ARHGAP18: variants seen among roughly 807,000 people sequenced by gnomAD.
ARHGAP18 encodes Rho GTPase activating protein 18.
In ARHGAP18, 67 loss-of-function variants were observed where a neutral mutation model predicts 86.2. That is an observed-to-expected ratio of 0.78 (90% CI 0.64 to 0.95). ARHGAP18 has a LOEUF of 0.95. Ranked by LOEUF, ARHGAP18 falls within the 40% of genes least tolerant of loss-of-function variation. The pLI, the probability that ARHGAP18 is intolerant of heterozygous loss-of-function variation, is 0.00. For synonymous variants in ARHGAP18, 283 were observed against 280.4 expected, an observed-to-expected ratio of 1.01 and a Z score of -0.09; for missense variants, 691 against 780.4, an observed-to-expected ratio of 0.89 and a Z score of 1.37.
chr6:129,709,943 T>C, intron 1 of ARHGAP18, 81 bp downstream of exon 1: 1 of 1,141,824 alleles, frequency 8.8e-7, no homozygotes, highest in Non-Finnish European at 1.3e-6. Context: ...AATTCCCTTC[T>C]CCCCACGCCA....
chr6:129,617,309 C>T (rs1017811126), intron 6 of ARHGAP18, among the ~76,000 whole-genome samples: 1 of 152,016 alleles, frequency 6.6e-6, no homozygotes, highest in East Asian at 1.9e-4. Flanking sequence ...TCCTTTATGA[C>T]GTACATCAGC....
At chr6:129,646,555 A>T (rs12192821) in intron 1 of ARHGAP18, among the ~76,000 whole-genome samples, 35,316 of 152,126 alleles carry the variant, frequency 0.23, 4,721 homozygotes, top group African/African-American at 0.38. Context: ...GCAGAAACAA[A>T]ATATTTTAAA....
intron 1 of ARHGAP18, among the ~76,000 whole-genome samples, chr6:129,700,350 G>T (rs1290138710): frequency 6.6e-6 from 1 of 152,104 alleles, no homozygotes; most frequent in Admixed American, 6.5e-5. Context: ...CAAACACTCT[G>T]CAACTTTATA....
intron 1 of ARHGAP18, among the ~76,000 whole-genome samples, chr6:129,678,651 C>T (rs1774275166): frequency 6.6e-6 from 1 of 152,132 alleles, no homozygotes; most frequent in African/African-American, 2.4e-5. Flanking sequence ...CAAAAACAAA[C>T]AAACAAAAAA....
chr6:129,686,410 C>T (rs1774424521), intron 1 of ARHGAP18, among the ~76,000 whole-genome samples: 1 of 152,174 alleles, frequency 6.6e-6, no homozygotes, highest in African/African-American at 2.4e-5. Flanking sequence ...CATCTGAAAG[C>T]TTACCTCACC....
At chr6:129,615,579 G>A (rs912622668) in intron 7 of ARHGAP18, among the ~76,000 whole-genome samples, 7 of 152,132 alleles carry the variant, frequency 4.6e-5, no homozygotes, top group African/African-American at 9.7e-5. Flanking sequence ...AAGAATCTAC[G>A]GCTTGGGTAG....
intron 1 of ARHGAP18, among the ~76,000 whole-genome samples, chr6:129,668,395 C>CACACAG (rs763692018): frequency 7.2e-6 from 1 of 139,190 alleles, no homozygotes; most frequent in African/African-American, 2.5e-5. Context: ...CACACACACA[C>CACACAG]ACACAGACAC....
intron 12 of ARHGAP18, among the ~76,000 whole-genome samples, chr6:129,590,788 G>A (rs1788492609): frequency 6.6e-6 from 1 of 152,132 alleles, no homozygotes. Context: ...GTATTCTACG[G>A]CAGGGAGAGA....
intron 7 of ARHGAP18, among the ~76,000 whole-genome samples, chr6:129,614,819 A>T (rs539539536): frequency 3.6e-4 from 53 of 148,556 alleles, no homozygotes; most frequent in African/African-American, 1.2e-3. Context: ...TACTCTCTAT[A>T]ATGTAGTGGG....
At chr6:129,673,455 T>C (rs971654662) in intron 1 of ARHGAP18, among the ~76,000 whole-genome samples, 2 of 152,108 alleles carry the variant, frequency 1.3e-5, no homozygotes. Flanking sequence ...ATTTTAAAAG[T>C]GTTTTTTCTC....
At chr6:129,593,168 A>G (rs945837563) in intron 12 of ARHGAP18, among the ~76,000 whole-genome samples, 17 of 152,100 alleles carry the variant, frequency 1.1e-4, no homozygotes, top group Admixed American at 1.1e-3. Flanking sequence ...TTGTTCTAAA[A>G]TAATATTACC....
intron 1 of ARHGAP18, among the ~76,000 whole-genome samples, chr6:129,707,398 T>C (rs907212676): frequency 6.6e-6 from 1 of 152,324 alleles, no homozygotes; most frequent in Non-Finnish European, 1.5e-5. Context: ...AAGTTATACT[T>C]CCGTGCTATC....
chr6:129,692,160 C>A (rs1173843006), intron 1 of ARHGAP18, among the ~76,000 whole-genome samples: 1 of 152,250 alleles, frequency 6.6e-6, no homozygotes, highest in Non-Finnish European at 1.5e-5. Flanking sequence ...TCTGGGCCTA[C>A]TGGCCTAAGT....
At chr6:129,685,101 G>A (rs1205994804) in intron 1 of ARHGAP18, among the ~76,000 whole-genome samples, 2 of 152,118 alleles carry the variant, frequency 1.3e-5, no homozygotes, top group Non-Finnish European at 2.9e-5. Context: ...GGGTTTCAAA[G>A]CAGCTCCACC....
intron 5 of ARHGAP18, among the ~76,000 whole-genome samples, chr6:129,619,749 C>T (rs969984564): frequency 1.3e-4 from 20 of 151,326 alleles, no homozygotes; most frequent in African/African-American, 4.4e-4. Context: ...AGGTACCCTT[C>T]ACATACACTT....
chr6:129,639,651 C>T lies in ARHGAP18; in HGVS notation c.317-1022G>A, dbSNP rs534201659. Among the ~76,000 whole-genome samples, 19 of 152,232 alleles carry T rather than the reference C, an allele frequency of 1.2e-4. No homozygotes were observed. The South Asian group carries it at 2.5e-3, about 20-fold the overall frequency. On this transcript the variant is annotated intron_variant, in intron 2 of 14. Transcript: ENST00000368149. ...TTTCTATACTATATAAACTTCTTGA[C>T]GGCAGAAATCAAGTATTAATAACTT...
intron 1 of ARHGAP18, among the ~76,000 whole-genome samples, chr6:129,651,456 C>T (rs1454355084): frequency 6.6e-6 from 1 of 152,084 alleles, no homozygotes; most frequent in Admixed American, 6.6e-5. Context: ...TTACTGAATG[C>T]CTTACTCTCT....
At chr6:129,642,159 A>G in intron 1 of ARHGAP18, 141 bp from the exon 2 acceptor site, 1 of 717,070 alleles carries the variant, frequency 1.4e-6, no homozygotes. Flanking sequence ...ATATTTTGGA[A>G]CAGTTTACTA....
intron 5 of ARHGAP18, among the ~76,000 whole-genome samples, chr6:129,625,796 TTATATTA>T (rs1454869011): frequency 1.5e-4 from 5 of 33,774 alleles, no homozygotes; most frequent in African/African-American, 5.4e-4. Flanking sequence ...ATATATATTT[TTATATTA>T]TATATTATAT....
Sources: gnomAD v4.1 joint callset for allele counts (sites outside exome capture counted in the v4.1 genomes callset) on GRCh38, gnomAD v4.1.1 for gene constraint, MANE v1.5 for transcripts, NCBI Gene and HGNC (gene_info 2026-07-23, HGNC 2026-07-21) for gene names.